CLASP1: variants seen among roughly 807,000 people sequenced by gnomAD.
The protein encoded by CLASP1 is cytoplasmic linker associated protein 1.
In CLASP1, 38 loss-of-function variants were observed where a neutral mutation model predicts 192.3. The ratio of observed to expected loss-of-function variants is 0.20; its 90% CI spans 0.15 to 0.26. The LOEUF (loss-of-function observed/expected upper bound fraction) is 0.26, where lower values mean the gene tolerates loss of function less well. Among genes scored for constraint, CLASP1 ranks in the 10% least tolerant of loss-of-function variants. CLASP1 has a pLI of 1.00. For synonymous variants in CLASP1, 691 were observed against 712.8 expected (o/e 0.97, Z 0.49); for missense variants, 1,433 against 1,932.5 (o/e 0.74, Z 4.85).
chr2:121,551,905 CA>C (rs1179091813), intron 2 of CLASP1, among the ~76,000 whole-genome samples: 3 of 152,090 alleles, frequency 2.0e-5, no homozygotes, highest in Non-Finnish European at 4.4e-5. Flanking sequence ...CAATCCTATG[CA>C]AAAAGAACAA....
intron 26 of CLASP1, among the ~76,000 whole-genome samples, chr2:121,403,082 T>C (rs2076379345): frequency 6.6e-6 from 1 of 152,200 alleles, no homozygotes. Context: ...TCTGCCCACC[T>C]CAGCCTCCCA....
At chr2:121,597,735 C>T (rs1283696289) in intron 2 of CLASP1, among the ~76,000 whole-genome samples, 1 of 152,190 alleles carries the variant, frequency 6.6e-6, no homozygotes, top group Admixed American at 6.5e-5. Flanking sequence ...TGCTAAGAAA[C>T]GTTGTTTCCA....
intron 8 of CLASP1, among the ~76,000 whole-genome samples, chr2:121,495,053 A>C (rs1320839917): frequency 6.8e-6 from 1 of 147,260 alleles, no homozygotes; most frequent in East Asian, 2.1e-4. Context: ...CCGGGCACGG[A>C]GGCTCACGTC....
chr2:121,439,701 T>C (rs928373625), intron 19 of CLASP1, among the ~76,000 whole-genome samples: 2 of 151,668 alleles, frequency 1.3e-5, no homozygotes, highest in Admixed American at 6.6e-5. Flanking sequence ...CCAACAATGA[T>C]AGACTGGATT....
chr2:121,606,618 G>C (rs987387700), intron 1 of CLASP1, among the ~76,000 whole-genome samples: 2 of 152,312 alleles, frequency 1.3e-5, no homozygotes, highest in Non-Finnish European at 2.9e-5. Context: ...AATGAGGAAG[G>C]CTCTATAGAA....
chr2:121,452,029 A>T (rs1340930309), intron 14 of CLASP1, among the ~76,000 whole-genome samples, 180 bp from the exon 15 acceptor site: 2 of 152,216 alleles, frequency 1.3e-5, no homozygotes, highest in Admixed American at 6.5e-5. Context: ...AAAGCAAATG[A>T]AAGTAATTAA....
At chr2:121,582,276 GGAGA>G (rs113201966) in intron 2 of CLASP1, among the ~76,000 whole-genome samples, 78 of 146,070 alleles carry the variant, frequency 5.3e-4, no homozygotes, top group African/African-American at 1.5e-3. Flanking sequence ...GACAGGAAAG[GGAGA>G]GAGAGAGAGA....
chr2:121,493,480 A>T (rs1297786374), intron 8 of CLASP1, among the ~76,000 whole-genome samples: 2 of 152,192 alleles, frequency 1.3e-5, no homozygotes, highest in Admixed American at 6.5e-5. Context: ...CATATCTCTC[A>T]CCACAAAAAT....
chr2:121,434,831 T>C (rs931413100), intron 19 of CLASP1, among the ~76,000 whole-genome samples: 4 of 150,844 alleles, frequency 2.7e-5, no homozygotes, highest in African/African-American at 9.8e-5. Context: ...CAACTAAAAA[T>C]GCAAAAATTA....
intron 23 of CLASP1, among the ~76,000 whole-genome samples, chr2:121,412,897 C>T (rs1290420819): frequency 1.4e-4 from 21 of 152,142 alleles, no homozygotes; most frequent in Non-Finnish European, 2.5e-4. Flanking sequence ...CTGATTTTTC[C>T]AAGAGATGAA....
intron 20 of CLASP1, among the ~76,000 whole-genome samples, chr2:121,428,524 G>T (rs2080843855): frequency 6.6e-6 from 1 of 152,038 alleles, no homozygotes; most frequent in Admixed American, 6.6e-5. Flanking sequence ...GTGTCTCCAG[G>T]CATCACTAGG....
chr2:121,475,532 G>A (rs190096084), intron 8 of CLASP1, among the ~76,000 whole-genome samples: 1 of 152,234 alleles, frequency 6.6e-6, no homozygotes, highest in East Asian at 1.9e-4. Context: ...AGGTTCTAAC[G>A]TTACAGTATT....
At chr2:121,645,027 A>AG (rs2072909274) in intron 1 of CLASP1, among the ~76,000 whole-genome samples, 2 of 152,052 alleles carry the variant, frequency 1.3e-5, no homozygotes, top group East Asian at 3.9e-4. Context: ...AAACCAGGAA[A>AG]GGACTAACCA....
intron 1 of CLASP1, among the ~76,000 whole-genome samples, chr2:121,643,327 G>C (rs1001412918): frequency 1.3e-5 from 2 of 152,150 alleles, no homozygotes; most frequent in Non-Finnish European, 2.9e-5. Context: ...AAAAAGACTA[G>C]AAGACTTCAA....
chr2:121,524,484 T>C (rs1022454098), intron 6 of CLASP1, among the ~76,000 whole-genome samples: 16 of 151,664 alleles, frequency 1.1e-4, no homozygotes, highest in Non-Finnish European at 2.2e-4. Flanking sequence ...AAAGAAAAAG[T>C]CTTGCTGGGT....
chr2:121,638,775 C>T (rs1407791199), intron 1 of CLASP1, among the ~76,000 whole-genome samples: 1 of 151,710 alleles, frequency 6.6e-6, no homozygotes, highest in Non-Finnish European at 1.5e-5. Flanking sequence ...TCAAGCAATT[C>T]TCCTGCCTCA....
At chr2:121,549,914 G>A (rs1282499824) in intron 2 of CLASP1, among the ~76,000 whole-genome samples, 1 of 150,548 alleles carries the variant, frequency 6.6e-6, no homozygotes, top group African/African-American at 2.4e-5. Flanking sequence ...GCTGAGGCAG[G>A]AGAATGGCGT....
intron 38 of CLASP1, among the ~76,000 whole-genome samples, chr2:121,348,296 T>C (rs2063733349): frequency 6.6e-6 from 1 of 152,212 alleles, no homozygotes; most frequent in African/African-American, 2.4e-5. Context: ...TTCTGTGAGC[T>C]GCCAGGAAAG....
intron 30 of CLASP1, among the ~76,000 whole-genome samples, chr2:121,389,553 T>A (rs1202516424): frequency 6.6e-6 from 1 of 151,562 alleles, no homozygotes; most frequent in African/African-American, 2.4e-5. Context: ...CAGCCTGGAA[T>A]TGTAGCAGGG....
Sources: allele counts gnomAD v4.1 joint callset (sites outside exome capture counted in the v4.1 genomes callset), GRCh38; gene constraint gnomAD v4.1.1; transcripts MANE v1.5; gene names NCBI Gene and HGNC (gene_info 2026-07-23, HGNC 2026-07-21).